The following RIC3 variants were observed in gnomAD, a reference collection of about 807,000 sequenced individuals.
The protein encoded by RIC3 is RIC3 acetylcholine receptor chaperone.
In RIC3, 28 loss-of-function variants were observed where a neutral mutation model predicts 27.3. The ratio of observed to expected loss-of-function variants is 1.02; its 90% CI spans 0.76 to 1.41. The LOEUF (loss-of-function observed/expected upper bound fraction) is 1.41, where lower values mean the gene tolerates loss of function less well. Among genes scored for constraint, RIC3 ranks in the 40% most tolerant of loss-of-function variants. The pLI, the probability that RIC3 is intolerant of heterozygous loss-of-function variation, is 0.00. For synonymous variants in RIC3, 184 were observed against 160.4 expected (o/e 1.15, Z -1.11); for missense variants, 501 against 444.7 (o/e 1.13, Z -1.14).
At chr11:8,100,543 G>A in the RIC3 span, 20 of 1,614,116 alleles carry the variant, frequency 1.2e-5, no homozygotes, top group African/African-American at 2.1e-4. Flanking sequence ...CGGAAGATGA[G>A]CGTGATTGTC....
the RIC3 span, among the ~76,000 whole-genome samples, chr11:8,093,262 C>T: frequency 6.6e-6 from 1 of 151,884 alleles, no homozygotes; most frequent in East Asian, 1.9e-4. Flanking sequence ...AGGGGGAGGG[C>T]AGTGCAGGCA....
At chr11:8,138,385 T>C (rs745994760) in intron 2 of RIC3, 38 bp from the exon 3 acceptor site, 1 of 1,342,972 alleles carries the variant, frequency 7.4e-7, no homozygotes, top group Admixed American at 1.8e-5. Context: ...CAACAGCAGC[T>C]CAGAACCTCA....
rs1424107640 is a variant in RIC3, at chr11:8,138,306, A to G, written c.393T>C (p.Tyr131=). The change falls in exon 3 of 6, where the codon TAT becomes TAC. Residue 131 remains tyrosine, a synonymous_variant. Coordinates refer to ENST00000309737, the MANE Select transcript of RIC3 (RefSeq NM_001206671.4). The part of the protein sequence containing the change: ...GKTTAEDGKC[Y]TAMPGNTHRK... The stretch of plus-strand genomic sequence containing the variant: ...TGTGGGTGTTTCCAGGCATGGCAGT[A>G]TAGCATTTCCCATCCTCTGCAGTTG... The G allele has an allele frequency of 6.2e-7, 1 of 1,613,738 alleles. No individual in the cohort carries two copies. The highest frequency in any genetic ancestry group is 8.5e-7 in the Non-Finnish European group (1 of 1,179,686).
chr11:8,163,055 ACACACACACACACC>A (rs1951341263), intron 1 of RIC3, among the ~76,000 whole-genome samples: 2 of 150,584 alleles, frequency 1.3e-5, no homozygotes, highest in South Asian at 2.1e-4. Flanking sequence ...ACACACATAC[ACACACACACACACC>A]CCCCAAAACA....
At chr11:8,128,386 G>C (rs1590162236) in intron 4 of RIC3, 1 of 394,306 alleles carries the variant, frequency 2.5e-6, no homozygotes, top group East Asian at 7.2e-5. Context: ...ACAGGAAGCA[G>C]GAACAGACAA....
chr11:8,150,513 T>A (rs1466991474), intron 1 of RIC3, among the ~76,000 whole-genome samples: 2 of 152,244 alleles, frequency 1.3e-5, no homozygotes, highest in East Asian at 3.8e-4. Flanking sequence ...ACAGAATTTT[T>A]TTTTTATTAG....
intron 4 of RIC3, among the ~76,000 whole-genome samples, chr11:8,131,097 C>G (rs1327131457): frequency 7.9e-6 from 1 of 126,690 alleles, no homozygotes; most frequent in African/African-American, 3.9e-5. Context: ...CAAAAATAGG[C>G]ATTCATTCAT....
intron 1 of RIC3, among the ~76,000 whole-genome samples, chr11:8,151,557 G>A (rs1305003537): frequency 7.8e-6 from 1 of 128,078 alleles, no homozygotes; most frequent in Non-Finnish European, 1.5e-5. Flanking sequence ...CTGCACTCCA[G>A]CCTGGGCGAC....
chr11:8,110,821 C>T lies in RIC3; in HGVS notation c.987G>A (p.Glu329=). ...ACTCTTCTTTGGTGGTTTCCTCTTG[C>T]TCAGGGTAGCTATCTGCACTGAATC... ...NAGFSADSYP[E]QEETTKEEWS... The change falls in exon 6 of 6, where the codon GAG becomes GAA. Residue 329 remains glutamate, a synonymous_variant. Coordinates refer to ENST00000309737, the MANE Select transcript of RIC3 (RefSeq NM_001206671.4). The T allele has an allele frequency of 6.2e-7, 1 of 1,614,224 alleles. No homozygotes were observed. Among genetic ancestry groups the T allele is most frequent in the East Asian group, 2.2e-5 (1 of 44,888 alleles).
the RIC3 span, chr11:8,100,503 G>A: frequency 6.2e-7 from 1 of 1,613,912 alleles, no homozygotes; most frequent in Non-Finnish European, 8.5e-7. Flanking sequence ...TCTTTCCCAG[G>A]AGACAAACGT....
At chr11:8,129,999 T>A (rs1947494929) in intron 4 of RIC3, among the ~76,000 whole-genome samples, 1 of 152,232 alleles carries the variant, frequency 6.6e-6, no homozygotes, top group Non-Finnish European at 1.5e-5. Flanking sequence ...TTTCCCTTCT[T>A]TTGTATTTTA....
chr11:8,141,055 C>T (rs564693143), intron 1 of RIC3, among the ~76,000 whole-genome samples: 192 of 148,488 alleles, frequency 1.3e-3, no homozygotes, highest in East Asian at 8.6e-3. Flanking sequence ...AAGGAACAAC[C>T]GGTACCAGCC....
At chr11:8,168,831 G>C in intron 1 of RIC3, 35 bp downstream of exon 1, 1 of 1,596,940 alleles carries the variant, frequency 6.3e-7, no homozygotes, top group Middle Eastern at 1.7e-4. Context: ...ACTCTTCGGC[G>C]CCGGGAAGCT....
intron 1 of RIC3, among the ~76,000 whole-genome samples, chr11:8,153,118 AT>A (rs1160121051): frequency 3.3e-5 from 5 of 152,192 alleles, no homozygotes; most frequent in African/African-American, 9.6e-5. Flanking sequence ...AAAAAATACT[AT>A]TTTCAAAGAC....
intron 1 of RIC3, among the ~76,000 whole-genome samples, chr11:8,144,318 C>T (rs1365288459): frequency 6.6e-6 from 1 of 150,390 alleles, no homozygotes; most frequent in Non-Finnish European, 1.5e-5. Context: ...ACGATGAACT[C>T]AAACAAATTT....
chr11:8,164,381 G>GA (rs1290940952), intron 1 of RIC3, among the ~76,000 whole-genome samples: 2 of 152,140 alleles, frequency 1.3e-5, no homozygotes, highest in Admixed American at 1.3e-4. Flanking sequence ...GCACCATCAA[G>GA]AACGTGAAGG....
In RIC3 at chr11:8,110,683, T is replaced by G; in HGVS notation, c.*15A>C. 1 of 1,612,694 alleles carries G rather than the reference T, an allele frequency of 6.2e-7. No homozygotes were observed. The highest frequency in any genetic ancestry group is 8.5e-7 in the Non-Finnish European group (1 of 1,178,742). Reference sequence around the variant, plus strand: ...CCTTGGGACTTGAGTAATGGATACTTCAGACTGGCTGTTTTCACTCTAAAC... The same window carrying G: ...CCTTGGGACTTGAGTAATGGATACTGCAGACTGGCTGTTTTCACTCTAAAC... On this transcript the variant is annotated 3_prime_UTR_variant, in exon 6 of 6. Transcript: ENST00000309737.
At chr11:8,151,023 TG>T (rs1387871019) in intron 1 of RIC3, among the ~76,000 whole-genome samples, 2 of 152,202 alleles carry the variant, frequency 1.3e-5, no homozygotes, top group Admixed American at 6.5e-5. Flanking sequence ...TTATAAGAGC[TG>T]AAACTTTAAA....
At chr11:8,130,934 C>A (rs1022547067) in intron 4 of RIC3, among the ~76,000 whole-genome samples, 1 of 151,836 alleles carries the variant, frequency 6.6e-6, no homozygotes, top group African/African-American at 2.4e-5. Context: ...CACTCAGGAC[C>A]ACGTAAGCTA....
Sources: allele counts gnomAD v4.1 joint callset (sites outside exome capture counted in the v4.1 genomes callset), GRCh38; gene constraint gnomAD v4.1.1; transcripts MANE v1.5; gene names NCBI Gene and HGNC (gene_info 2026-07-23, HGNC 2026-07-21).